The following FSBP variants were observed in gnomAD, a reference collection of about 807,000 sequenced individuals.
The protein encoded by FSBP is fibrinogen silencer binding protein, also known as fibrinogen silencer-binding protein.
FSBP carries 18 observed loss-of-function variants against 24.6 expected under a neutral mutation model. The observed-to-expected ratio is 0.73, with a 90% CI of 0.51 to 1.08. FSBP has a LOEUF of 1.08. FSBP is among the 50% of genes least tolerant of loss of function. The pLI is 0.00. For missense variants in FSBP, 305 were observed against 347.6 expected, an observed-to-expected ratio of 0.88 and a Z score of 0.98; for synonymous variants, 110 against 125.8, an observed-to-expected ratio of 0.87 and a Z score of 0.84.
Position 94,431,617 on chromosome 8 carries a change from C to T in FSBP, c.*514G>A. The stretch of plus-strand genomic sequence containing the variant: ...GACCTGTTTCATTACCCCTAAACTG[C>T]AGAGATGGAAAAAAAGTGTTCTCCA... On this transcript the variant is annotated 3_prime_UTR_variant, in exon 2 of 2. Coordinates refer to ENST00000481490, the MANE Select transcript of FSBP (RefSeq NM_001256141.2). The T allele has an allele frequency of 1.1e-6, 1 of 929,740 alleles. No homozygotes were observed. Among genetic ancestry groups the T allele is most frequent in the Non-Finnish European group, 1.3e-6 (1 of 779,408 alleles). 57.6% of individuals were successfully genotyped at this position (929,740 alleles called of 1,614,324 possible). A position where few individuals can be genotyped will look rare whatever the true frequency, so the allele number is the denominator to read the frequency against.
chr8:94,428,356 A>G lies in FSBP; in HGVS notation c.*3775T>C, dbSNP rs1811996664. 1.0e-6 allele frequency: 1 copy of G among 979,044 alleles called. No individual in the cohort carries two copies. Among genetic ancestry groups the G allele is most frequent in the African/African-American group, 1.8e-5 (1 of 57,096 alleles). The allele number at this position is 979,044 out of a possible 1,614,324, so 60.6% of individuals were successfully genotyped here. ...AAGATGTCTGGTGGCTTAAGTGTAT[A>G]GTCATCCCTCAGTATCCAAGGGGGA... On this transcript the variant is annotated 3_prime_UTR_variant, in exon 2 of 2. Transcript: ENST00000481490.
rs1812000641 is a variant in FSBP at position 94,428,515 on chromosome 8, G to A, written c.*3616C>T. Reference sequence around the variant, plus strand: ...AATCATCTCTAGATTACTTACAATGGCTAATATAATGTAAATACTATGTAA... The same window carrying A: ...AATCATCTCTAGATTACTTACAATGACTAATATAATGTAAATACTATGTAA... On this transcript the variant is annotated 3_prime_UTR_variant, in exon 2 of 2. Coordinates refer to ENST00000481490, the MANE Select transcript of FSBP (RefSeq NM_001256141.2). The A allele has an allele frequency of 8.4e-6, 2 of 238,298 alleles. No individual in the cohort carries two copies. The highest frequency in any genetic ancestry group is 1.4e-5 in the Non-Finnish European group (2 of 147,128). 14.8% of individuals were successfully genotyped at this position (238,298 alleles called of 1,614,324 possible). A position where few individuals can be genotyped will look rare whatever the true frequency, so the allele number is the denominator to read the frequency against.
At chr8:94,436,387 G>T in intron 1 of FSBP, 108 bp downstream of exon 1, 1 of 1,311,970 alleles carries the variant, frequency 7.6e-7, no homozygotes, top group Non-Finnish European at 1.0e-6. Flanking sequence ...ACTATTCATT[G>T]CTCCCGTTGT....
Position 94,432,543 on chromosome 8 carries a change from G to A in FSBP, c.488C>T (p.Pro163Leu). Residue 163 changes from proline (P) to leucine (L), a missense_variant, in exon 2 of 2, where the codon CCT becomes CTT. By Grantham distance (98) the Pro-to-Leu change is moderately conservative. Coordinates refer to ENST00000481490, the MANE Select transcript of FSBP (RefSeq NM_001256141.2). ...TTGAGAATTTAAAACCAGTGGAGGA[G>A]GTGGTTTAATGTCTTCTTCTTGCTT... ...EVKQEEDIKP[P>L]PPLVLNSQQS... is the part of the protein sequence containing the mutation. 3.2e-6 allele frequency: 5 copies of A among 1,550,546 alleles called. No individual in the cohort carries two copies. The highest frequency in any genetic ancestry group is 3.5e-6 in the Non-Finnish European group (4 of 1,146,874).
chr8:94,436,605 C>A lies in FSBP; in HGVS notation c.264G>T (p.Glu88Asp). 2 of 1,550,476 alleles carry A rather than the reference C, an allele frequency of 1.3e-6. No homozygotes were observed. Among genetic ancestry groups the A allele is most frequent in the Non-Finnish European group, 1.7e-6 (2 of 1,146,946 alleles). ...YAKQELLQQK[E>D]TQSDFKSNIS... ...TATTGCTTTTAAAATCTGATTGGGT[C>A]TCTTTTTGCTGCAATAGCTCCTGTT... Residue 88 changes from glutamate (E) to aspartate (D), a missense_variant, in exon 1 of 2, where the codon GAG becomes GAT. Glu to Asp is a conservative substitution (Grantham distance 45). Transcript: ENST00000481490.
At position 94,429,160 on chromosome 8, in the gene FSBP, G is replaced by C. The variant is rs897023587; in HGVS notation, c.*2971C>G. 1 of 960,362 alleles carries C rather than the reference G, an allele frequency of 1.0e-6. No homozygotes were observed. Among genetic ancestry groups the C allele is most frequent in the Non-Finnish European group, 1.2e-6 (1 of 807,244 alleles). The allele number at this position is 960,362 out of a possible 1,614,324, so 59.5% of individuals were successfully genotyped here. On this transcript the variant is annotated 3_prime_UTR_variant, in exon 2 of 2. Coordinates refer to ENST00000481490, the MANE Select transcript of FSBP (RefSeq NM_001256141.2). ...TGGTGTTTAAAAATATGTAAAAATA[G>C]GTTTCTTATTGTATACAGCCCCTAA...
In FSBP at chr8:94,431,994, A is replaced by C; in HGVS notation, c.*137T>G. On this transcript the variant is annotated 3_prime_UTR_variant, in exon 2 of 2. Coordinates refer to ENST00000481490, the MANE Select transcript of FSBP (RefSeq NM_001256141.2). ...ATATCTCAAAAGAAAATAATTAGAA[A>C]ATTATATCTAAAAAGTTTTTCCATA... 7.6e-7 allele frequency: 1 copy of C among 1,307,652 alleles called. No individual in the cohort carries two copies. Among genetic ancestry groups the C allele is most frequent in the Non-Finnish European group, 9.7e-7 (1 of 1,025,792 alleles). The allele number at this position is 1,307,652 out of a possible 1,614,324, so 81.0% of individuals were successfully genotyped here. A position where few individuals can be genotyped will look rare whatever the true frequency, so the allele number is the denominator to read the frequency against.
In FSBP at chr8:94,428,276, G is replaced by A. The variant is rs1472618371; in HGVS notation, c.*3855C>T. The A allele has an allele frequency of 2.1e-6, 2 of 972,344 alleles. No individual in the cohort carries two copies. Among genetic ancestry groups the A allele is most frequent in the Non-Finnish European group, 2.4e-6 (2 of 818,212 alleles). 60.2% of individuals were successfully genotyped at this position (972,344 alleles called of 1,614,324 possible). On this transcript the variant is annotated 3_prime_UTR_variant, in exon 2 of 2. Transcript: ENST00000481490. Reference sequence around the variant, plus strand: ...AATCACTCTTCTCTATGTTCTCCCAGCATTACATTTTGTAATTAAAGCTCA... The same window carrying A: ...AATCACTCTTCTCTATGTTCTCCCAACATTACATTTTGTAATTAAAGCTCA...
chr8:94,432,247 C>T lies in FSBP; in HGVS notation c.784G>A (p.Asp262Asn). The T allele has an allele frequency of 6.4e-7, 1 of 1,550,410 alleles. No individual in the cohort carries two copies. Among genetic ancestry groups the T allele is most frequent in the East Asian group, 2.4e-5 (1 of 40,902 alleles). Residue 262 changes from aspartate to asparagine, a missense_variant, in exon 2 of 2, where the codon GAT (aspartate) becomes AAT (asparagine). Physicochemically the swap from Asp to Asn is conservative, Grantham distance 23. Transcript: ENST00000481490. ...AGCTGCTGCCTTCTTTTCAATCCAT[C>T]CCTCTTCTCCTGAACATACAATCCA... ...NFGLYVQEKR[D>N]GLKRRQQLEE...
In FSBP at chr8:94,431,859, A is replaced by G; in HGVS notation, c.*272T>C. ...TGTGTTTGTATATGCATTTGTGTAT[A>G]TCTTAGTGATCAGAATAAAATATCT... On this transcript the variant is annotated 3_prime_UTR_variant, in exon 2 of 2. Coordinates refer to ENST00000481490, the MANE Select transcript of FSBP (RefSeq NM_001256141.2). 3.6e-6 allele frequency: 4 copies of G among 1,111,240 alleles called. No individual in the cohort carries two copies. The highest frequency in any genetic ancestry group is 4.4e-6 in the Non-Finnish European group (4 of 903,422). The allele number at this position is 1,111,240 out of a possible 1,614,324, so 68.8% of individuals were successfully genotyped here. A position where few individuals can be genotyped will look rare whatever the true frequency, so the allele number is the denominator to read the frequency against.
rs1812276750 is a variant in FSBP, at chr8:94,436,820, C to T, written c.49G>A (p.Asp17Asn). ...TATGGCTTCACAAGCTTTAGCAAAT[C>T]AAGCTTTTCGGATAAGGTAAAATTG... The part of the protein sequence containing the change: ...SSNFTLSEKL[D>N]LLKLVKPYVK... The change falls in exon 1 of 2, where the codon GAT (aspartate) becomes AAT (asparagine). Residue 17 changes from aspartate (D) to asparagine (N), a missense_variant. By Grantham distance (23) the Asp-to-Asn change is conservative. Coordinates refer to ENST00000481490, the MANE Select transcript of FSBP (RefSeq NM_001256141.2). 25 of 1,546,692 alleles carry T rather than the reference C, an allele frequency of 1.6e-5. No individual in the cohort carries two copies. The highest frequency in any genetic ancestry group is 2.2e-5 in the Non-Finnish European group (25 of 1,145,744).
At position 94,431,592 on chromosome 8, in the gene FSBP, G is replaced by C; in HGVS notation, c.*539C>G. On this transcript the variant is annotated 3_prime_UTR_variant, in exon 2 of 2. Coordinates refer to ENST00000481490, the MANE Select transcript of FSBP (RefSeq NM_001256141.2). ...TAAGTAAGTCATTGAGTTCTCCCTG[G>C]ACCTGTTTCATTACCCCTAAACTGC... The C allele has an allele frequency of 1.1e-6, 1 of 915,834 alleles. No individual in the cohort carries two copies. Among genetic ancestry groups the C allele is most frequent in the South Asian group, 5.0e-5 (1 of 19,854 alleles). The allele number at this position is 915,834 out of a possible 1,614,324, so 56.7% of individuals were successfully genotyped here. A position where few individuals can be genotyped will look rare whatever the true frequency, so the allele number is the denominator to read the frequency against.
chr8:94,436,754 T>C lies in FSBP; in HGVS notation c.115A>G (p.Ile39Val). 1 of 1,550,656 alleles carries C rather than the reference T, an allele frequency of 6.4e-7. No homozygotes were observed. Among genetic ancestry groups the C allele is most frequent in the South Asian group, 1.2e-5 (1 of 84,038 alleles). Reference sequence around the variant, plus strand: ...TCCCAACATCTATTCTTTTCTACTATTACTGAATGTTTATTAGTGTGTTCT... The same window carrying C: ...TCCCAACATCTATTCTTTTCTACTACTACTGAATGTTTATTAGTGTGTTCT... ...LEEHTNKHSV[I>V]VEKNRCWDII... The change falls in exon 1 of 2, where the codon ATA (isoleucine) becomes GTA (valine). Residue 39 changes from isoleucine (I) to valine (V), a missense_variant. Physicochemically the swap from Ile to Val is conservative, Grantham distance 29. Coordinates refer to ENST00000481490, the MANE Select transcript of FSBP (RefSeq NM_001256141.2).
At position 94,430,391 on chromosome 8, in the gene FSBP, T is replaced by G; in HGVS notation, c.*1740A>C. ...CCAAATTTATATCCCTCAGTTCACT[T>G]TCAACTACTCTTCGACAAAAATTTT... On this transcript the variant is annotated 3_prime_UTR_variant, in exon 2 of 2. Transcript: ENST00000481490. 2 of 985,338 alleles carry G rather than the reference T, an allele frequency of 2.0e-6. No homozygotes were observed. Among genetic ancestry groups the G allele is most frequent in the Non-Finnish European group, 2.4e-6 (2 of 829,864 alleles). 61.0% of individuals were successfully genotyped at this position (985,338 alleles called of 1,614,324 possible).
In FSBP at chr8:94,433,442, G is replaced by GA. The variant is rs920400613; in HGVS notation, c.375-787dup. 1.5e-4 allele frequency among the ~76,000 whole-genome samples: 22 copies of GA among 151,142 alleles called. No individual in the cohort carries two copies. In the South Asian group the frequency reaches 3.8e-3, roughly 26 times the overall value. On this transcript the variant is annotated intron_variant, in intron 1 of 1. Transcript: ENST00000481490. ...GGTGCTCATTATGTGTTGAATGACT[G>GA]AAAAAAAACAAACTAAATGATTTTT... is the stretch of plus-strand genomic sequence containing the variant.
rs1240095085 is a variant in FSBP, at chr8:94,430,675, T to G, written c.*1456A>C. ...ACAAAGTGGAAGCCCAATGGCTCAGTGAGGCCCACTCACATGTTGTCTGTA... is the reference window on the plus strand; with the variant it reads ...ACAAAGTGGAAGCCCAATGGCTCAGGGAGGCCCACTCACATGTTGTCTGTA... On this transcript the variant is annotated 3_prime_UTR_variant, in exon 2 of 2. Coordinates refer to ENST00000481490, the MANE Select transcript of FSBP (RefSeq NM_001256141.2). The G allele has an allele frequency of 2.5e-6, 2 of 794,386 alleles. No individual in the cohort carries two copies. The highest frequency in any genetic ancestry group is 3.1e-6 in the Non-Finnish European group (2 of 655,732). 49.2% of individuals were successfully genotyped at this position (794,386 alleles called of 1,614,324 possible).
chr8:94,428,732 G>T lies in FSBP; in HGVS notation c.*3399C>A, dbSNP rs1812006087. 1.0e-6 allele frequency: 1 copy of T among 981,894 alleles called. No homozygotes were observed. Among genetic ancestry groups the T allele is most frequent in the African/African-American group, 1.8e-5 (1 of 57,126 alleles). The allele number at this position is 981,894 out of a possible 1,614,324, so 60.8% of individuals were successfully genotyped here. The stretch of plus-strand genomic sequence containing the variant: ...GAAACCTGCAGATAGAAAGCCAAGT[G>T]TACATTCCATTGTACTAGCAAACTT... On this transcript the variant is annotated 3_prime_UTR_variant, in exon 2 of 2. Coordinates refer to ENST00000481490, the MANE Select transcript of FSBP (RefSeq NM_001256141.2).
rs80311026 is a variant in FSBP at position 94,427,931 on chromosome 8, TA to T, written c.*4199del. On this transcript the variant is annotated 3_prime_UTR_variant, in exon 2 of 2. Transcript: ENST00000481490. ...GATAGAACAGGGTAGAATGACTCCT[TA>T]AAAAAAAAAATGAAATAACACCAAG... is the stretch of plus-strand genomic sequence containing the variant. 277,208 of 788,658 alleles carry T rather than the reference TA, an allele frequency of 0.35. 29,867 individuals are homozygous for T. The highest frequency in any genetic ancestry group is 0.5 in the Admixed American group (7,847 of 15,690). The allele number at this position is 788,658 out of a possible 1,614,324, so 48.9% of individuals were successfully genotyped here. A position where few individuals can be genotyped will look rare whatever the true frequency, so the allele number is the denominator to read the frequency against.
intron 1 of FSBP, among the ~76,000 whole-genome samples, chr8:94,433,418 G>T (rs1812168523): frequency 6.6e-6 from 1 of 151,676 alleles, no homozygotes; most frequent in Non-Finnish European, 1.5e-5. Flanking sequence ...AACCTAGTAG[G>T]TGCTCATTAT....
Sources: gnomAD v4.1 joint callset for allele counts (sites outside exome capture counted in the v4.1 genomes callset) on GRCh38, gnomAD v4.1.1 for gene constraint, MANE v1.5 for transcripts, NCBI Gene and HGNC (gene_info 2026-07-23, HGNC 2026-07-21) for gene names.